The following RDH13 variants were observed in gnomAD, a reference collection of about 807,000 sequenced individuals.
RDH13 encodes the protein retinol dehydrogenase 13 (all-trans and 9-cis).
In RDH13, 35 loss-of-function variants were observed where a neutral mutation model predicts 28.3. The ratio of observed to expected loss-of-function variants is 1.24; its 90% CI spans 0.95 to 1.64. RDH13 has a LOEUF of 1.64. RDH13 is among the 40% of genes most tolerant of loss of function. The pLI is 0.00. For synonymous variants in RDH13, 229 were observed against 198.5 expected, an observed-to-expected ratio of 1.15 and a Z score of -1.29; for missense variants, 514 against 446.3, an observed-to-expected ratio of 1.15 and a Z score of -1.37.
intron 3 of RDH13, among the ~76,000 whole-genome samples, chr19:55,054,662 G>A (rs1282500109): frequency 2.0e-5 from 3 of 152,116 alleles, no homozygotes; most frequent in Non-Finnish European, 2.9e-5. Flanking sequence ...TTGAACTCTC[G>A]GGCTCAAGTG....
chr19:55,068,743 G>GT (rs1401937203), intron 1 of RDH13: 2 of 147,060 alleles, frequency 1.4e-5, no homozygotes, highest in Non-Finnish European at 3.0e-5. Context: ...GGCTGAGGCA[G>GT]GAGAATGGCG....
At position 55,056,778 on chromosome 19, in the gene RDH13, A is replaced by G. The variant is rs2075650928; in HGVS notation, c.215T>C (p.Met72Thr). ...CTTTGCTGCCGCCTCACACTTCTCC[A>G]TGTCTCGGCAGGCCAGGATGATGTT... ...GGNIILACRD[M>T]EKCEAAAKDI... Residue 72 changes from methionine to threonine, a missense_variant, in exon 3 of 7, where the codon ATG (methionine) becomes ACG (threonine). Coordinates refer to ENST00000415061, the MANE Select transcript of RDH13 (RefSeq NM_001145971.2). The G allele has an allele frequency of 4.3e-6, 7 of 1,613,874 alleles. No individual in the cohort carries two copies. In the African/African-American group the frequency reaches 6.7e-5, roughly 15 times the overall value.
Position 55,056,869 on chromosome 19 carries a change from G to A in RDH13, c.185-61C>T, listed in dbSNP as rs528947568. 7 of 1,421,878 alleles carry A rather than the reference G, an allele frequency of 4.9e-6. No individual in the cohort carries two copies. In the African/African-American group the frequency reaches 1.0e-4, roughly 20 times the overall value. 88.1% of individuals were successfully genotyped at this position (1,421,878 alleles called of 1,614,324 possible). A position where few individuals can be genotyped will look rare whatever the true frequency, so the allele number is the denominator to read the frequency against. ...AATCCACTCCTGGGTACTGACCCCA[G>A]AGACATGAAAACATACGTCTACACA... is the stretch of plus-strand genomic sequence containing the variant. On this transcript the variant is annotated intron_variant, in intron 2 of 6. Coordinates refer to ENST00000415061, the MANE Select transcript of RDH13 (RefSeq NM_001145971.2).
At chr19:55,043,710 C>G (rs796706481), downstream of RDH13, among the ~76,000 whole-genome samples, 25 of 152,190 alleles carry the variant, frequency 1.6e-4, no homozygotes, top group African/African-American at 5.8e-4. Flanking sequence ...CCCTGGCCTC[C>G]CCAGTATCTC....
chr19:55,053,835 G>C (rs1319289699), intron 3 of RDH13: 1 of 152,238 alleles, frequency 6.6e-6, no homozygotes, highest in African/African-American at 2.4e-5. Flanking sequence ...GCCAGAGACA[G>C]GATCAGAGGC....
chr19:55,043,921 T>C (rs1224921375), downstream of RDH13, among the ~76,000 whole-genome samples: 5 of 32,268 alleles, frequency 1.5e-4, no homozygotes, highest in African/African-American at 2.9e-4. Flanking sequence ...AAGTCGGAAC[T>C]TTTTTTTTTT....
chr19:55,049,207 G>A (rs1354880358), intron 3 of RDH13, among the ~76,000 whole-genome samples: 2 of 152,240 alleles, frequency 1.3e-5, no homozygotes, highest in Non-Finnish European at 2.9e-5. Context: ...TGTTACAGCA[G>A]CTCCAGGACA....
chr19:55,065,906 C>T (rs796578630), upstream of RDH13, among the ~76,000 whole-genome samples: 3 of 152,082 alleles, frequency 2.0e-5, no homozygotes, highest in East Asian at 1.9e-4. Flanking sequence ...TTAGTAGAGA[C>T]GGGGTTTCAC....
chr19:55,056,683 T>A lies in RDH13; in HGVS notation c.310A>T (p.Ile104Phe). 1 of 1,614,038 alleles carries A rather than the reference T, an allele frequency of 6.2e-7. No homozygotes were observed. Residue 104 changes from isoleucine (I) to phenylalanine (F), a missense_variant, in exon 3 of 7, where the codon ATC becomes TTC. Ile to Phe is a conservative substitution (Grantham distance 21). Transcript: ENST00000415061. ...ATGATCTTTGCTGCAAACTCTCGGATAGACTTGAGGGAAGCCAAGTCCAGG... is the reference window on the plus strand; with the variant it reads ...ATGATCTTTGCTGCAAACTCTCGGAAAGACTTGAGGGAAGCCAAGTCCAGG... ...RHLDLASLKSIREFAAKIIEE... is the reference protein window; with the variant it reads ...RHLDLASLKSFREFAAKIIEE...
chr19:55,069,125 C>A (rs543965382), intron 1 of RDH13, among the ~76,000 whole-genome samples: 2 of 143,836 alleles, frequency 1.4e-5, no homozygotes, highest in Admixed American at 1.4e-4. Context: ...CCAGGCTCCT[C>A]CGGTTTCAGG....
chr19:55,062,726 G>A (rs562882415), intron 1 of RDH13, among the ~76,000 whole-genome samples: 41 of 152,260 alleles, frequency 2.7e-4, no homozygotes, highest in Admixed American at 5.2e-4. Flanking sequence ...AAAATAAAGA[G>A]TTTAAAAGTC....
chr19:55,053,966 GT>G (rs2075548443), intron 3 of RDH13: 1 of 152,216 alleles, frequency 6.6e-6, no homozygotes, highest in African/African-American at 2.4e-5. Context: ...CCCTCTCACT[GT>G]TCTTTGTGAT....
Position 55,047,403 on chromosome 19 carries a change from G to GA in RDH13, c.743dup (p.Ser249LeufsTer53). On this transcript the variant is annotated frameshift_variant, in exon 6 of 7. Transcript: ENST00000415061. LOFTEE classifies it high-confidence loss of function. ...GGGACTCACCGAGTGTGGTGCTGGA[G>GA]AAGGTGGAGCCATGGATGCCCGTGT... 1.9e-6 allele frequency: 3 copies of GA among 1,612,022 alleles called. No homozygotes were observed. The highest frequency in any genetic ancestry group is 2.5e-6 in the Non-Finnish European group (3 of 1,179,932).
intron 2 of RDH13, 83 bp from the exon 3 acceptor site, chr19:55,056,891 C>T (rs1602775336): frequency 8.5e-7 from 1 of 1,170,642 alleles, no homozygotes; most frequent in Admixed American, 2.4e-5. Flanking sequence ...CATACGTCTA[C>T]ACAAAAACAC....
upstream of RDH13, among the ~76,000 whole-genome samples, chr19:55,064,961 A>G (rs1244055103): frequency 6.7e-6 from 1 of 148,728 alleles, no homozygotes; most frequent in Non-Finnish European, 1.5e-5. Context: ...AAAATAAAAA[A>G]AAGACCTGAA....
At chr19:55,040,837 A>G (rs1024708334), downstream of RDH13, 2 of 152,252 alleles carry the variant, frequency 1.3e-5, no homozygotes, top group African/African-American at 2.4e-5. Flanking sequence ...TTATAAAACT[A>G]TAAACCCGGC....
At chr19:55,052,715 G>A (rs2075490279) in intron 3 of RDH13, among the ~76,000 whole-genome samples, 2 of 149,934 alleles carry the variant, frequency 1.3e-5, no homozygotes, top group Admixed American at 6.7e-5. Context: ...AGGCTGGAGT[G>A]CAGTGGCGCC....
chr19:55,051,277 T>G (rs1180583683), intron 3 of RDH13, among the ~76,000 whole-genome samples: 1 of 151,808 alleles, frequency 6.6e-6, no homozygotes, highest in Non-Finnish European at 1.5e-5. Context: ...ACCGGGAAAA[T>G]GAGGCAGGGC....
Position 55,047,481 on chromosome 19 carries a change from A to G in RDH13, c.666T>C (p.Gly222=). The change falls in exon 6 of 7, where the codon GGT becomes GGC. Residue 222 remains glycine (G), a synonymous_variant. Transcript: ENST00000415061. ...KELSRRLQGS[G]VTVNALHPGV... Reference sequence around the variant, plus strand: ...CGGGGTGCAGGGCGTTGACAGTCACACCAGAGCCTGGGGAAGAAAGAAAGA... The same window carrying G: ...CGGGGTGCAGGGCGTTGACAGTCACGCCAGAGCCTGGGGAAGAAAGAAAGA... 6.2e-7 allele frequency: 1 copy of G among 1,606,624 alleles called. No individual in the cohort carries two copies. The highest frequency in any genetic ancestry group is 2.2e-5 in the East Asian group (1 of 44,850).
Sources: allele counts gnomAD v4.1 joint callset (sites outside exome capture counted in the v4.1 genomes callset), GRCh38; gene constraint gnomAD v4.1.1; transcripts MANE v1.5; gene names NCBI Gene and HGNC (gene_info 2026-07-23, HGNC 2026-07-21).